Variants in FAF1 observed in about 807,000 individuals in gnomAD.
The protein encoded by FAF1 is FAS-associated factor 1.
FAF1 carries 25 observed loss-of-function variants against 92.5 expected under a neutral mutation model. The ratio of observed to expected loss-of-function variants is 0.27; its 90% CI spans 0.20 to 0.38. The LOEUF is 0.38. Ranked by LOEUF, FAF1 falls within the 10% of genes least tolerant of loss-of-function variation. The pLI, the probability that FAF1 is intolerant of heterozygous loss-of-function variation, is 1.00. For missense variants in FAF1, 636 were observed against 793.3 expected, an observed-to-expected ratio of 0.80 and a Z score of 2.38; for synonymous variants, 234 against 273.2, an observed-to-expected ratio of 0.86 and a Z score of 1.42.
chr1:50,764,302 G>A lies in FAF1; in HGVS notation c.368-19527C>T, dbSNP rs1293975728. On this transcript the variant is annotated intron_variant, in intron 4 of 18. Transcript: ENST00000396153. ...CAAAGTCTTTTTCCTCTGGTGGGAA[G>A]GAATTCAATAGTATTCTAGTCTTAC... Among the ~76,000 whole-genome samples, 4 of 152,120 alleles carry A rather than the reference G, an allele frequency of 2.6e-5. No homozygotes were observed. The East Asian group carries it at 7.7e-4, about 29-fold the overall frequency.
At chr1:50,951,574 A>G (rs986221537) in intron 1 of FAF1, among the ~76,000 whole-genome samples, 8 of 152,226 alleles carry the variant, frequency 5.3e-5, no homozygotes, top group Admixed American at 4.6e-4. Context: ...AGTGGTCTGA[A>G]TCCAAAGTCC....
intron 14 of FAF1, 132 bp from the exon 15 acceptor site, chr1:50,535,589 T>C (rs1196395800): frequency 2.2e-5 from 12 of 545,804 alleles, no homozygotes; most frequent in Non-Finnish European, 3.9e-5. Context: ...AAAATTACAG[T>C]TAAAATACTT....
chr1:50,894,523 G>A (rs150407152), intron 1 of FAF1, among the ~76,000 whole-genome samples: 96 of 151,688 alleles, frequency 6.3e-4, no homozygotes, highest in African/African-American at 1.9e-3. Context: ...TACTTAAGGC[G>A]CAAGAAAAAC....
At chr1:50,730,094 T>C (rs1658855557) in intron 6 of FAF1, among the ~76,000 whole-genome samples, 1 of 152,038 alleles carries the variant, frequency 6.6e-6, no homozygotes, top group Non-Finnish European at 1.5e-5. Flanking sequence ...GTGAAGGGGG[T>C]TGGAGCAGCA....
chr1:50,474,839 C>T (rs1646618853), intron 18 of FAF1, among the ~76,000 whole-genome samples: 1 of 152,110 alleles, frequency 6.6e-6, no homozygotes, highest in Non-Finnish European at 1.5e-5. Context: ...AATACAGAGC[C>T]TCTTGGTTCC....
At chr1:50,911,805 G>A (rs1304543380) in intron 1 of FAF1, among the ~76,000 whole-genome samples, 5 of 152,070 alleles carry the variant, frequency 3.3e-5, no homozygotes, top group Non-Finnish European at 4.4e-5. Context: ...GGCCAAGGTC[G>A]GTGGATCACT....
At chr1:50,892,013 G>A (rs907412319) in intron 1 of FAF1, among the ~76,000 whole-genome samples, 3 of 152,106 alleles carry the variant, frequency 2.0e-5, no homozygotes, top group Non-Finnish European at 2.9e-5. Flanking sequence ...CACCCAGTTC[G>A]AGCTTCCCCG....
chr1:50,632,342 T>A (rs1653828010), intron 8 of FAF1, among the ~76,000 whole-genome samples: 1 of 152,190 alleles, frequency 6.6e-6, no homozygotes, highest in Non-Finnish European at 1.5e-5. Flanking sequence ...ACAAATCAGA[T>A]CTCCAGTTTT....
chr1:50,826,904 C>T (rs887310142), intron 2 of FAF1, among the ~76,000 whole-genome samples: 4 of 152,000 alleles, frequency 2.6e-5, no homozygotes, highest in African/African-American at 9.7e-5. Flanking sequence ...GCGCCTCTGC[C>T]CAGCCGCCCC....
At chr1:50,466,879 C>T (rs1224771474) in intron 18 of FAF1, among the ~76,000 whole-genome samples, 2 of 152,196 alleles carry the variant, frequency 1.3e-5, no homozygotes, top group South Asian at 2.1e-4. Context: ...CAACATTAGA[C>T]CTTTTTCCTC....
At position 50,444,196 on chromosome 1, in the gene FAF1, A is replaced by G. The variant is rs181033363; in HGVS notation, c.1870-2673T>C. On this transcript the variant is annotated intron_variant, in intron 18 of 18. Coordinates refer to ENST00000396153, the MANE Select transcript of FAF1 (RefSeq NM_007051.3). ...TAGGACATCATGTTTCTCCCCAGCA[A>G]GATGGTGGCCATGCTGTGAAACTGT... Among the ~76,000 whole-genome samples, 210 of 152,342 alleles carry G rather than the reference A, an allele frequency of 1.4e-3. 3 individuals are homozygous for G. Among genetic ancestry groups the G allele is most frequent in the African/African-American group, 5.0e-3 (209 of 41,580 alleles).
At chr1:50,775,800 CA>C (rs1660936423) in intron 4 of FAF1, among the ~76,000 whole-genome samples, 1 of 151,968 alleles carries the variant, frequency 6.6e-6, no homozygotes, top group East Asian at 1.9e-4. Context: ...ATAGAATTCA[CA>C]AAACTTTATT....
chr1:50,633,020 G>A (rs929670372), intron 8 of FAF1, among the ~76,000 whole-genome samples: 9 of 152,110 alleles, frequency 5.9e-5, no homozygotes, highest in Admixed American at 3.3e-4. Context: ...TTATTGCAAT[G>A]CTGAGAATAG....
Position 50,935,813 on chromosome 1 carries a change from G to A in FAF1, c.45+23954C>T, listed in dbSNP as rs116867071. ...CTAACACATAGAAGTAATTATGAACGCTACTAGTGATGTGGTATATTTGCA... is the reference window on the plus strand; with the variant it reads ...CTAACACATAGAAGTAATTATGAACACTACTAGTGATGTGGTATATTTGCA... On this transcript the variant is annotated intron_variant, in intron 1 of 18. Coordinates refer to ENST00000396153, the MANE Select transcript of FAF1 (RefSeq NM_007051.3). Among the ~76,000 whole-genome samples, 454 of 152,230 alleles carry A rather than the reference G, an allele frequency of 3.0e-3. 13 individuals are homozygous for A. The East Asian group carries it at 0.065, about 22-fold the overall frequency.
intron 15 of FAF1, among the ~76,000 whole-genome samples, chr1:50,512,719 C>T (rs532279945): frequency 6.6e-6 from 1 of 152,268 alleles, no homozygotes; most frequent in Non-Finnish European, 1.5e-5. Context: ...GCTATAACGG[C>T]TCTTTTTTGG....
chr1:50,725,582 A>G (rs1303988172), intron 6 of FAF1, among the ~76,000 whole-genome samples: 2 of 152,066 alleles, frequency 1.3e-5, no homozygotes, highest in African/African-American at 4.8e-5. Flanking sequence ...CAGCTATACG[A>G]GTAGCTGGGA....
intron 12 of FAF1, among the ~76,000 whole-genome samples, chr1:50,578,220 T>C (rs1650841066): frequency 6.6e-6 from 1 of 152,158 alleles, no homozygotes. Context: ...AGAATGCTGG[T>C]GTTTGAGGCT....
Position 50,466,493 on chromosome 1 carries a change from T to C in FAF1, c.1869+8971A>G, listed in dbSNP as rs1221630486. ...AATTTAGACTGGATATATATATTTG[T>C]GAGTTGTAACTGTGTATATCACATT... is the stretch of plus-strand genomic sequence containing the variant. On this transcript the variant is annotated intron_variant, in intron 18 of 18. Transcript: ENST00000396153. Among the ~76,000 whole-genome samples, 9 of 152,304 alleles carry C rather than the reference T, an allele frequency of 5.9e-5. No individual in the cohort carries two copies. The South Asian group carries it at 1.0e-3, about 18-fold the overall frequency.
chr1:50,654,659 T>G (rs1356740124), intron 8 of FAF1, among the ~76,000 whole-genome samples: 1 of 152,202 alleles, frequency 6.6e-6, no homozygotes, highest in East Asian at 1.9e-4. Flanking sequence ...AAAATTAACT[T>G]TTAAGTATCA....
Sources: allele counts gnomAD v4.1 joint callset (sites outside exome capture counted in the v4.1 genomes callset), GRCh38; gene constraint gnomAD v4.1.1; transcripts MANE v1.5; gene names NCBI Gene and HGNC (gene_info 2026-07-23, HGNC 2026-07-21).